Variants in DLGAP1 observed in about 807,000 individuals in gnomAD.
DLGAP1 encodes DLG associated protein 1.
DLGAP1 carries 11 observed loss-of-function variants against 90.8 expected under a neutral mutation model. The ratio of observed to expected loss-of-function variants is 0.12; its 90% CI spans 0.08 to 0.20. The LOEUF is 0.20. Among genes scored for constraint, DLGAP1 ranks in the 10% least tolerant of loss-of-function variants. The pLI is 1.00. For missense variants in DLGAP1, 1,050 were observed against 1,333.8 expected, an observed-to-expected ratio of 0.79 and a Z score of 3.31; for synonymous variants, 558 against 540.7, an observed-to-expected ratio of 1.03 and a Z score of -0.44.
At chr18:3,821,581 A>G (rs574046207) in intron 4 of DLGAP1, among the ~76,000 whole-genome samples, 2 of 152,316 alleles carry the variant, frequency 1.3e-5, no homozygotes, top group African/African-American at 4.8e-5. Context: ...TCAAAATAAT[A>G]AACACTTAAT....
At chr18:4,023,350 G>A (rs1187104796) in intron 2 of DLGAP1, among the ~76,000 whole-genome samples, 2 of 151,850 alleles carry the variant, frequency 1.3e-5, no homozygotes, top group Admixed American at 6.6e-5. Flanking sequence ...GAAAACTTTG[G>A]GCTTTCCTAA....
At chr18:3,640,853 T>C (rs1336391858) in intron 7 of DLGAP1, among the ~76,000 whole-genome samples, 1 of 152,258 alleles carries the variant, frequency 6.6e-6, no homozygotes, top group Non-Finnish European at 1.5e-5. Flanking sequence ...CAATGTGCCA[T>C]ACATTGTCCT....
intron 9 of DLGAP1, among the ~76,000 whole-genome samples, chr18:3,538,884 C>G: frequency 6.6e-6 from 1 of 152,236 alleles, no homozygotes; most frequent in East Asian, 1.9e-4. Context: ...TAACAGCCAT[C>G]TCCTGGCTAT....
chr18:4,417,754 G>A (rs1053974583), intron 1 of DLGAP1, among the ~76,000 whole-genome samples: 1 of 152,168 alleles, frequency 6.6e-6, no homozygotes, highest in Admixed American at 6.6e-5. Context: ...GGAAGATAGA[G>A]AGGCAGATTC....
intron 1 of DLGAP1, among the ~76,000 whole-genome samples, chr18:4,381,411 A>T (rs530188617): frequency 6.6e-6 from 1 of 152,212 alleles, no homozygotes; most frequent in Non-Finnish European, 1.5e-5. Flanking sequence ...TCCTCAGGTA[A>T]TAACTGATGA....
rs576885599 is a variant in DLGAP1 at position 3,550,655 on chromosome 18, G to A, written c.2058-16040C>T. Among the ~76,000 whole-genome samples, 6 of 150,464 alleles carry A rather than the reference G, an allele frequency of 4.0e-5. No homozygotes were observed. The East Asian group carries it at 1.2e-3, about 30-fold the overall frequency. Reference sequence around the variant, plus strand: ...GAGAGACGACATGAAGACACAGGGAGAAGATGGCCATTTGCAAGCCAGGGA... The same window carrying A: ...GAGAGACGACATGAAGACACAGGGAAAAGATGGCCATTTGCAAGCCAGGGA... On this transcript the variant is annotated intron_variant, in intron 9 of 12. Transcript: ENST00000315677.
intron 3 of DLGAP1, among the ~76,000 whole-genome samples, chr18:3,940,279 G>A (rs2072740197): frequency 6.6e-6 from 1 of 152,178 alleles, no homozygotes; most frequent in Admixed American, 6.5e-5. Context: ...GATGAGTCCT[G>A]CCCACATCTT....
intron 7 of DLGAP1, among the ~76,000 whole-genome samples, chr18:3,629,401 G>A (rs537637688): frequency 6.6e-6 from 1 of 152,212 alleles, no homozygotes; most frequent in Non-Finnish European, 1.5e-5. Context: ...GCTGGGCGCG[G>A]TGGCTCAACC....
chr18:3,947,655 C>T (rs1003347517), intron 3 of DLGAP1, among the ~76,000 whole-genome samples: 1 of 152,302 alleles, frequency 6.6e-6, no homozygotes, highest in South Asian at 2.1e-4. Flanking sequence ...GGGGACTCCC[C>T]CCACCCCAAT....
At chr18:3,657,971 A>T (rs1435678079) in intron 7 of DLGAP1, among the ~76,000 whole-genome samples, 1 of 152,226 alleles carries the variant, frequency 6.6e-6, no homozygotes, top group African/African-American at 2.4e-5. Context: ...AACCATGATC[A>T]GACAATCATT....
At chr18:4,394,459 T>C (rs970284151) in intron 1 of DLGAP1, among the ~76,000 whole-genome samples, 3 of 152,202 alleles carry the variant, frequency 2.0e-5, no homozygotes, top group Non-Finnish European at 2.9e-5. Flanking sequence ...GGTGACAATA[T>C]TTAAACAATA....
intron 1 of DLGAP1, among the ~76,000 whole-genome samples, chr18:4,416,817 C>T (rs1334667598): frequency 1.3e-5 from 2 of 152,212 alleles, no homozygotes; most frequent in Non-Finnish European, 2.9e-5. Context: ...GCTCTACAGT[C>T]AGAAGACCTG....
chr18:3,585,880 T>C (rs142998827), intron 7 of DLGAP1, among the ~76,000 whole-genome samples: 153 of 152,270 alleles, frequency 1.0e-3, no homozygotes, highest in Non-Finnish European at 1.6e-3. Context: ...ACAGTAAAAA[T>C]CCTGCCATGA....
At chr18:3,587,042 C>G (rs1039707733) in intron 7 of DLGAP1, among the ~76,000 whole-genome samples, 1 of 152,144 alleles carries the variant, frequency 6.6e-6, no homozygotes, top group Non-Finnish European at 1.5e-5. Context: ...AGTGAAACAT[C>G]TGATTTGTTT....
chr18:4,449,702 A>G (rs1395824366), intron 1 of DLGAP1, among the ~76,000 whole-genome samples: 1 of 152,204 alleles, frequency 6.6e-6, no homozygotes. Context: ...CTCACAAGTC[A>G]ACACATCATT....
chr18:4,194,795 T>C (rs1244779807), intron 1 of DLGAP1, among the ~76,000 whole-genome samples: 1 of 152,206 alleles, frequency 6.6e-6, no homozygotes, highest in Non-Finnish European at 1.5e-5. Flanking sequence ...ATAAATATTT[T>C]TGAGTAACAA....
At position 4,084,222 on chromosome 18, in the gene DLGAP1, G is replaced by A. The variant is rs1017880241; in HGVS notation, c.-159+66958C>T. ...GTCTTAGCATAATGACTTGCAGCAC[G>A]CAGTGGTTATAGTAGCATTCACGAT... is the stretch of plus-strand genomic sequence containing the variant. On this transcript the variant is annotated intron_variant, in intron 2 of 12. Coordinates refer to ENST00000315677, the MANE Select transcript of DLGAP1 (RefSeq NM_004746.4). This position sits in a 1 kb window ranked among gnomAD's most constrained non-coding sequence, Gnocchi z 4.0. Among the ~76,000 whole-genome samples, 4 of 140,258 alleles carry A rather than the reference G, an allele frequency of 2.9e-5. No individual in the cohort carries two copies. Among genetic ancestry groups the A allele is most frequent in the South Asian group, 2.2e-4 (1 of 4,542 alleles). 92.0% of individuals were successfully genotyped at this position (140,258 alleles called of 152,430 possible). A position where few individuals can be genotyped will look rare whatever the true frequency, so the allele number is the denominator to read the frequency against.
intron 7 of DLGAP1, among the ~76,000 whole-genome samples, chr18:3,636,855 G>A (rs2058736475): frequency 6.7e-6 from 1 of 150,254 alleles, no homozygotes; most frequent in Non-Finnish European, 1.5e-5. Flanking sequence ...CTCTCAAGCA[G>A]CTGGGACTAC....
chr18:3,853,019 T>TTTG (rs913034853), intron 4 of DLGAP1, among the ~76,000 whole-genome samples: 133 of 152,176 alleles, frequency 8.7e-4, no homozygotes, highest in African/African-American at 2.9e-3. Context: ...GCATTTATTT[T>TTTG]TTGTTGTTGT....
Sources: allele counts gnomAD v4.1 joint callset (sites outside exome capture counted in the v4.1 genomes callset), GRCh38; gene constraint gnomAD v4.1.1; non-coding constraint Gnocchi (gnomAD v3.1); transcripts MANE v1.5; gene names NCBI Gene and HGNC (gene_info 2026-07-23, HGNC 2026-07-21).